Variants in THEM4 observed in about 807,000 individuals in gnomAD.
THEM4 encodes thioesterase superfamily member 4, also known as acyl-coenzyme A thioesterase THEM4.
In THEM4, 22 loss-of-function variants were observed where a neutral mutation model predicts 25.0. That is an observed-to-expected ratio of 0.88 (90% CI 0.63 to 1.26). THEM4 has a LOEUF of 1.26. Ranked by LOEUF, THEM4 falls within the 50% of genes most tolerant of loss-of-function variation. The probability of loss-of-function intolerance (pLI) is 0.00; values close to 1 mark genes in which losing one functional copy is unlikely to be tolerated. For missense variants in THEM4, 286 were observed against 300.3 expected, an observed-to-expected ratio of 0.95 and a Z score of 0.35; for synonymous variants, 113 against 105.6, an observed-to-expected ratio of 1.07 and a Z score of -0.43.
At chr1:151,884,698 G>GT (rs1653926122) in intron 4 of THEM4, among the ~76,000 whole-genome samples, 14 of 101,828 alleles carry the variant, frequency 1.4e-4, no homozygotes, top group Admixed American at 4.1e-4. Context: ...TTTTTTTTTT[G>GT]TTTTTTTTGA....
intron 4 of THEM4, among the ~76,000 whole-genome samples, chr1:151,887,584 C>T (rs967994527): frequency 1.3e-5 from 2 of 151,856 alleles, no homozygotes; most frequent in Non-Finnish European, 2.9e-5. Context: ...AATGGAAAGA[C>T]ATCTGTGCCT....
intron 1 of THEM4, among the ~76,000 whole-genome samples, chr1:151,905,000 C>T (rs1026395765): frequency 1.3e-5 from 2 of 151,962 alleles, no homozygotes; most frequent in African/African-American, 4.8e-5. Context: ...CTAAGAGATA[C>T]CTGAAGTAAA....
chr1:151,909,424 A>G lies in THEM4; in HGVS notation c.35T>C (p.Leu12Pro), dbSNP rs776286488. The G allele has an allele frequency of 1.9e-5, 28 of 1,480,822 alleles. No homozygotes were observed. The South Asian group carries it at 2.3e-4, about 12-fold the overall frequency. The allele number at this position is 1,480,822 out of a possible 1,614,324, so 91.7% of individuals were successfully genotyped here. The change falls in exon 1 of 6, where the codon CTG (leucine) becomes CCG (proline). Residue 12 changes from leucine (L) to proline (P), a missense_variant. Transcript: ENST00000368814. ...LRSCAARLRT[L>P]GALCLPPVGR... ...TACTGGCGGCAGGCACAGAGCCCCCAGCGTGCGGAGGCGCGCGGCGCAGCT... is the reference window on the plus strand; with the variant it reads ...TACTGGCGGCAGGCACAGAGCCCCCGGCGTGCGGAGGCGCGCGGCGCAGCT...
At chr1:151,897,410 C>A (rs1338253151) in intron 1 of THEM4, among the ~76,000 whole-genome samples, 1 of 152,162 alleles carries the variant, frequency 6.6e-6, no homozygotes, top group Non-Finnish European at 1.5e-5. Context: ...GACAGCCTGG[C>A]CTCCCAACCT....
intron 1 of THEM4, among the ~76,000 whole-genome samples, chr1:151,897,818 C>T (rs1654257714): frequency 6.6e-6 from 1 of 152,154 alleles, no homozygotes; most frequent in Non-Finnish European, 1.5e-5. Flanking sequence ...GAACACACAC[C>T]CCTACTGGAG....
rs1654039330 is a variant in THEM4 at position 151,889,342 on chromosome 1, T to C, written c.318A>G (p.Ser106=). 2.5e-6 allele frequency: 4 copies of C among 1,614,022 alleles called. No individual in the cohort carries two copies. In the South Asian group the frequency reaches 3.3e-5, roughly 13 times the overall value. ...AGCTTCTGGTGAAGAGCTGGGCCTGTGACATTTGTTCTTCTTTCATAAGCT... is the reference window on the plus strand; with the variant it reads ...AGCTTCTGGTGAAGAGCTGGGCCTGCGACATTTGTTCTTCTTTCATAAGCT... ...DPKLMKEEQM[S]QAQLFTRSFD... The change falls in exon 3 of 6, where the codon TCA becomes TCG. Residue 106 remains serine (S), a synonymous_variant. Coordinates refer to ENST00000368814, the MANE Select transcript of THEM4 (RefSeq NM_053055.5).
In THEM4 at chr1:151,889,230, G is replaced by C. The variant is rs1558191065; in HGVS notation, c.430C>G (p.Leu144Val). Residue 144 changes from leucine to valine, a missense_variant, in exon 3 of 6, where the codon CTG (leucine) becomes GTG (valine). Physicochemically the swap from Leu to Val is conservative, Grantham distance 32. Transcript: ENST00000368814. The stretch of plus-strand genomic sequence containing the variant: ...CATTCTTACCCAGGTGGTCCTTCCA[G>C]GTAAGGGCCTCCTTGAAATAAGCAA... The part of the protein sequence containing the change: ...MVCLFQGGPY[L>V]EGPPGFIHGG... 1 of 1,612,632 alleles carries C rather than the reference G, an allele frequency of 6.2e-7. No homozygotes were observed. Among genetic ancestry groups the C allele is most frequent in the Non-Finnish European group, 8.5e-7 (1 of 1,179,782 alleles).
At chr1:151,906,775 C>CT (rs1654477917) in intron 1 of THEM4, among the ~76,000 whole-genome samples, 1 of 152,062 alleles carries the variant, frequency 6.6e-6, no homozygotes, top group Non-Finnish European at 1.5e-5. Flanking sequence ...CTGGTGGGGA[C>CT]TGGGAGAACC....
chr1:151,882,635 T>A (rs1438988532), intron 4 of THEM4, among the ~76,000 whole-genome samples: 1 of 152,200 alleles, frequency 6.6e-6, no homozygotes, highest in East Asian at 1.9e-4. Context: ...GCCAAATGAC[T>A]TAGTTGAGGT....
rs771668983 is a variant in THEM4, at chr1:151,909,449, T to C, written c.10A>G (p.Ser4Gly). The change falls in exon 1 of 6, where the codon AGC becomes GGC. Residue 4 changes from serine (S) to glycine (G), a missense_variant. By Grantham distance (56) the Ser-to-Gly change is moderately conservative. Coordinates refer to ENST00000368814, the MANE Select transcript of THEM4 (RefSeq NM_053055.5). MLR[S>G]CAARLRTLGA... Reference sequence around the variant, plus strand: ...AGCGTGCGGAGGCGCGCGGCGCAGCTCCTCAGCATGGCTCCGGGCCGCGGG... The same window carrying C: ...AGCGTGCGGAGGCGCGCGGCGCAGCCCCTCAGCATGGCTCCGGGCCGCGGG... The C allele has an allele frequency of 2.7e-4, 384 of 1,429,026 alleles. No individual in the cohort carries two copies. Among genetic ancestry groups the C allele is most frequent in the African/African-American group, 1.4e-3 (94 of 66,604 alleles). 88.5% of individuals were successfully genotyped at this position (1,429,026 alleles called of 1,614,324 possible). A position where few individuals can be genotyped will look rare whatever the true frequency, so the allele number is the denominator to read the frequency against.
At chr1:151,896,731 T>G in intron 1 of THEM4, among the ~76,000 whole-genome samples, 1 of 152,102 alleles carries the variant, frequency 6.6e-6, no homozygotes, top group East Asian at 1.9e-4. Context: ...AGTGGGAGTG[T>G]CCAAGGTTGA....
chr1:151,889,511 G>T, intron 2 of THEM4, 138 bp from the exon 3 acceptor site: 1 of 781,354 alleles, frequency 1.3e-6, no homozygotes, highest in Non-Finnish European at 2.0e-6. Flanking sequence ...AAAATTGAAA[G>T]GAATGGGAGC....
At position 151,904,150 on chromosome 1, in the gene THEM4, G is replaced by A. The variant is rs114126043; in HGVS notation, c.99+5210C>T. ...GGGGCCTGCTCCAAGCGAAGGCATAGGAGATTGAAATAAACGTATCACATT... is the reference window on the plus strand; with the variant it reads ...GGGGCCTGCTCCAAGCGAAGGCATAAGAGATTGAAATAAACGTATCACATT... On this transcript the variant is annotated intron_variant, in intron 1 of 5. Coordinates refer to ENST00000368814, the MANE Select transcript of THEM4 (RefSeq NM_053055.5). 3.9e-4 allele frequency among the ~76,000 whole-genome samples: 59 copies of A among 152,244 alleles called. No individual in the cohort carries two copies. The East Asian group carries it at 9.5e-3, about 24-fold the overall frequency.
At chr1:151,876,913 A>G in intron 5 of THEM4, 88 bp downstream of exon 5, 1 of 1,500,260 alleles carries the variant, frequency 6.7e-7, no homozygotes. Flanking sequence ...GACCCCCACA[A>G]AACCCAAATC....
chr1:151,901,462 A>G (rs1654350876), intron 1 of THEM4, among the ~76,000 whole-genome samples: 1 of 152,234 alleles, frequency 6.6e-6, no homozygotes, highest in Non-Finnish European at 1.5e-5. Flanking sequence ...GCCTCCATAA[A>G]TTTAAGAAAA....
rs971289866 is a variant in THEM4 at position 151,895,114 on chromosome 1, G to C, written c.180C>G (p.Leu60=). 3 of 1,614,140 alleles carry C rather than the reference G, an allele frequency of 1.9e-6. No individual in the cohort carries two copies. In the Admixed American group the frequency reaches 5.0e-5, roughly 27 times the overall value. ...NPSWNKDLRL[L]FDQFMKKCED... is the part of the protein sequence containing the mutation. Reference sequence around the variant, plus strand: ...CACATTTCTTCATAAACTGGTCAAAGAGCAGTCTTAGGTCCTTGTTCCAGC... The same window carrying C: ...CACATTTCTTCATAAACTGGTCAAACAGCAGTCTTAGGTCCTTGTTCCAGC... The change falls in exon 2 of 6, where the codon CTC becomes CTG. Residue 60 remains leucine (L), a synonymous_variant. Transcript: ENST00000368814.
In THEM4 at chr1:151,871,470, TG is replaced by T. The variant is rs779140433; in HGVS notation, c.*3417del. ...TAGCATCTCTCTCCTTCTTTCTACC[TG>T]TTCTGCCACCTTTTGTTATCTTACA... On this transcript the variant is annotated 3_prime_UTR_variant, in exon 6 of 6. Transcript: ENST00000368814. Among the ~76,000 whole-genome samples, 1 of 152,250 alleles carries T rather than the reference TG, an allele frequency of 6.6e-6. No individual in the cohort carries two copies. The highest frequency in any genetic ancestry group is 1.5e-5 in the Non-Finnish European group (1 of 68,050).
chr1:151,875,971 T>TA (rs957660790), intron 5 of THEM4, among the ~76,000 whole-genome samples: 5 of 152,204 alleles, frequency 3.3e-5, no homozygotes, highest in African/African-American at 1.2e-4. Flanking sequence ...AGAATGTTTA[T>TA]AGCAGCCCCA....
chr1:151,903,023 A>T (rs980224570), intron 1 of THEM4, among the ~76,000 whole-genome samples: 2 of 152,034 alleles, frequency 1.3e-5, no homozygotes, highest in Non-Finnish European at 2.9e-5. Context: ...CAGAATAAAA[A>T]CGTCCTGGCT....
Sources: allele counts gnomAD v4.1 joint callset (sites outside exome capture counted in the v4.1 genomes callset), GRCh38; gene constraint gnomAD v4.1.1; transcripts MANE v1.5; gene names NCBI Gene and HGNC (gene_info 2026-07-23, HGNC 2026-07-21).